The following CHRDL1 variants were observed in gnomAD, a reference collection of about 807,000 sequenced individuals.
CHRDL1 encodes chordin like 1.
A neutral mutation model predicts 40.9 loss-of-function variants in CHRDL1; 19 were observed. The observed-to-expected ratio is 0.46, with a 90% CI of 0.32 to 0.68. The LOEUF (loss-of-function observed/expected upper bound fraction) is 0.68, where lower values mean the gene tolerates loss of function less well. Among genes scored for constraint, CHRDL1 ranks in the 30% least tolerant of loss-of-function variants. The probability of loss-of-function intolerance (pLI) is 0.03; values close to 1 mark genes in which losing one functional copy is unlikely to be tolerated. For synonymous variants in CHRDL1, 136 were observed against 123.4 expected, an observed-to-expected ratio of 1.10 and a Z score of -0.68; for missense variants, 329 against 352.1, an observed-to-expected ratio of 0.93 and a Z score of 0.53.
chrX:110,751,505 C>T (rs2089357865), intron 4 of CHRDL1, among the ~76,000 whole-genome samples: 2 of 111,597 alleles, frequency 1.8e-5, no homozygotes, highest in African/African-American at 3.3e-5. Flanking sequence ...TATAAATAGA[C>T]AACAAGTATA....
chrX:110,683,897 C>G (rs2069952563), intron 9 of CHRDL1, among the ~76,000 whole-genome samples: 1 of 111,961 alleles, frequency 8.9e-6, no homozygotes, highest in Admixed American at 9.5e-5. Flanking sequence ...CCTGCCCAAC[C>G]TGCTGCCACT....
intron 9 of CHRDL1, among the ~76,000 whole-genome samples, chrX:110,686,901 A>AAAC (rs2070034103): frequency 9.4e-6 from 1 of 106,929 alleles, no homozygotes; most frequent in Non-Finnish European, 1.9e-5. Context: ...CAAAAAATAA[A>AAAC]AAAAAAAATA....
intron 2 of CHRDL1, among the ~76,000 whole-genome samples, chrX:110,784,084 A>G (rs2089981915): frequency 1.8e-5 from 2 of 112,176 alleles, no homozygotes; most frequent in African/African-American, 3.2e-5. Context: ...TTTCTTTAAA[A>G]GGCTACTAGA....
intron 4 of CHRDL1, among the ~76,000 whole-genome samples, chrX:110,738,689 C>G (rs1004598855): frequency 9.4e-6 from 1 of 106,509 alleles, no homozygotes; most frequent in African/African-American, 3.5e-5. Context: ...TTGTAGTGAG[C>G]CGACACTGCG....
intron 4 of CHRDL1, among the ~76,000 whole-genome samples, chrX:110,727,941 T>C (rs1346292375): frequency 8.9e-6 from 1 of 111,739 alleles, no homozygotes; most frequent in African/African-American, 3.2e-5. Context: ...TGTCCATTGA[T>C]AGAAATCTGG....
At chrX:110,689,565 T>C (rs1430546200) in intron 8 of CHRDL1, among the ~76,000 whole-genome samples, 1 of 3,988 alleles carries the variant, frequency 2.5e-4, no homozygotes, top group Non-Finnish European at 3.6e-4. Context: ...TATATATCTA[T>C]ATATATCTAT....
At chrX:110,680,661 T>A (rs1207959415) in intron 10 of CHRDL1, among the ~76,000 whole-genome samples, 1 of 111,993 alleles carries the variant, frequency 8.9e-6, no homozygotes, top group East Asian at 2.8e-4. Context: ...TCGAGTACTC[T>A]TGAGCCTTAT....
rs1390861530 is a variant in CHRDL1 at position 110,721,385 on chromosome X, C to T, written c.447G>A (p.Ser149=). The part of the protein sequence containing the change: ...QPNQCTQCSC[S]EGNVYCGLKT... ...GGAATGTTAAGATGTAGGGTCTTAC[C>T]GAACAGCTGCACTGGGTGCATTGAT... The change falls in exon 5 of 12, where the codon TCG becomes TCA. Residue 149 remains serine (S), a splice_region_variant and synonymous_variant. Coordinates refer to ENST00000372042, the MANE Select transcript of CHRDL1 (RefSeq NM_001143981.2). 8 of 1,210,144 alleles carry T rather than the reference C, an allele frequency of 6.6e-6. No homozygotes were observed. The highest frequency in any genetic ancestry group is 8.9e-6 in the Non-Finnish European group (8 of 893,972).
chrX:110,772,790 A>G (rs923231708), intron 2 of CHRDL1, among the ~76,000 whole-genome samples: 5 of 113,000 alleles, frequency 4.4e-5, no homozygotes, highest in Non-Finnish European at 9.4e-5. Flanking sequence ...AGGGAATTCA[A>G]TGGAAAAGGG....
intron 4 of CHRDL1, among the ~76,000 whole-genome samples, chrX:110,733,865 A>G (rs766095466): frequency 6.8e-5 from 7 of 102,431 alleles, no homozygotes; most frequent in African/African-American, 2.6e-4. Flanking sequence ...CCGAGATTGC[A>G]CTGCTGCAGT....
rs145475240 is a variant in CHRDL1, at chrX:110,706,851, C to T, written c.542-6130G>A. ...GTGCCTCGGTTGAGATAGTAAATTA[C>T]ATAGTCACTCTAATCATAAGGCAAA... On this transcript the variant is annotated intron_variant, in intron 6 of 11. Transcript: ENST00000372042. 7.2e-3 allele frequency among the ~76,000 whole-genome samples: 809 copies of T among 112,539 alleles called. 8 individuals carry two copies. Among genetic ancestry groups the T allele is most frequent in the African/African-American group, 0.025 (782 of 31,036 alleles).
intron 4 of CHRDL1, among the ~76,000 whole-genome samples, chrX:110,738,308 C>T (rs1433035478): frequency 9.0e-6 from 1 of 111,462 alleles, no homozygotes; most frequent in East Asian, 2.8e-4. Flanking sequence ...CAGGAAGTCA[C>T]GATAGACACA....
intron 8 of CHRDL1, among the ~76,000 whole-genome samples, chrX:110,689,175 C>T (rs1432640936): frequency 1.0e-5 from 1 of 96,426 alleles, no homozygotes; most frequent in Non-Finnish European, 2.0e-5. Flanking sequence ...CTCACTGTAG[C>T]CTTGACTTCC....
chrX:110,692,910 T>C (rs943107314), intron 8 of CHRDL1, among the ~76,000 whole-genome samples: 4 of 112,611 alleles, frequency 3.6e-5, no homozygotes, highest in African/African-American at 6.5e-5. Flanking sequence ...GAGTTCTTTG[T>C]AACGGATTGT....
chrX:110,731,623 AATATGGT>A (rs2071162993), intron 4 of CHRDL1, among the ~76,000 whole-genome samples: 1 of 112,283 alleles, frequency 8.9e-6, no homozygotes, highest in African/African-American at 3.2e-5. Flanking sequence ...GGATGAACAA[AATATGGT>A]ATATCCATAA....
chrX:110,735,543 C>T (rs1351799021), intron 4 of CHRDL1, among the ~76,000 whole-genome samples: 3 of 112,161 alleles, frequency 2.7e-5, no homozygotes, highest in Non-Finnish European at 5.6e-5. Flanking sequence ...TTCAGTCACA[C>T]TCAACCTTCA....
chrX:110,719,189 G>T (rs1254506298), intron 6 of CHRDL1, among the ~76,000 whole-genome samples: 3 of 111,355 alleles, frequency 2.7e-5, no homozygotes, highest in Non-Finnish European at 5.7e-5. Flanking sequence ...ACTGCTGAAA[G>T]ATTTGGTAAT....
chrX:110,728,952 T>C (rs780734270), intron 4 of CHRDL1, among the ~76,000 whole-genome samples: 4 of 111,866 alleles, frequency 3.6e-5, no homozygotes, highest in Admixed American at 9.4e-5. Flanking sequence ...CTAGTCAACA[T>C]GGTGAAACCC....
Position 110,675,415 on chromosome X carries a change from G to A in CHRDL1, c.*816C>T, listed in dbSNP as rs2069752139. ...TAGGTACAGGGGGAAAAGAAAAGTG[G>A]TATCATTAGGGAAAAATTATTACCA... On this transcript the variant is annotated 3_prime_UTR_variant, in exon 12 of 12. Coordinates refer to ENST00000372042, the MANE Select transcript of CHRDL1 (RefSeq NM_001143981.2). 9.0e-6 allele frequency: 1 copy of A among 111,364 alleles called. No homozygotes were observed. The highest frequency in any genetic ancestry group is 3.3e-5 in the African/African-American group (1 of 30,659). 9.2% of individuals were successfully genotyped at this position (111,364 alleles called of 1,213,427 possible).
Sources: allele counts gnomAD v4.1 joint callset (sites outside exome capture counted in the v4.1 genomes callset), GRCh38; gene constraint gnomAD v4.1.1; transcripts MANE v1.5; gene names NCBI Gene and HGNC (gene_info 2026-07-23, HGNC 2026-07-21).